Variants in SPOCK1 observed in about 807,000 individuals in gnomAD.
SPOCK1 encodes testican-1.
In SPOCK1, 23 loss-of-function variants were observed where a neutral mutation model predicts 55.3. The observed-to-expected ratio is 0.42, with a 90% confidence interval of 0.30 to 0.59. The LOEUF (loss-of-function observed/expected upper bound fraction) is 0.59. Among genes scored for constraint, SPOCK1 ranks in the 20% least tolerant of loss-of-function variants. The pLI, the probability that SPOCK1 is intolerant of heterozygous loss-of-function variation, is 0.22. For missense variants in SPOCK1, 499 were observed against 552.5 expected (o/e 0.90, Z 0.97); for synonymous variants, 226 against 221.0 (o/e 1.02, Z -0.20).
At chr5:137,231,952 T>C (rs1314981007) in intron 3 of SPOCK1, among the ~76,000 whole-genome samples, 1 of 152,234 alleles carries the variant, frequency 6.6e-6, no homozygotes, top group Non-Finnish European at 1.5e-5. Context: ...TGCATTTCCC[T>C]GATGATGGTG....
chr5:137,020,320 CTA>C (rs1243342750), intron 6 of SPOCK1, among the ~76,000 whole-genome samples: 2 of 151,520 alleles, frequency 1.3e-5, no homozygotes, highest in East Asian at 3.9e-4. Context: ...GTGGCAGTAG[CTA>C]TATTATCAGA....
chr5:137,151,549 T>C (rs7717834), intron 3 of SPOCK1, among the ~76,000 whole-genome samples: 4,639 of 152,266 alleles, frequency 0.03, 237 homozygotes, highest in African/African-American at 0.11. Flanking sequence ...TTACATAAGA[T>C]GGAAAATCAA....
chr5:137,423,726 C>G (rs1035701621), intron 2 of SPOCK1, among the ~76,000 whole-genome samples: 2 of 152,244 alleles, frequency 1.3e-5, no homozygotes, highest in Non-Finnish European at 2.9e-5. Context: ...ACTCCTTGTA[C>G]TTCCCGGGTA....
chr5:137,098,427 C>A (rs1300986345), intron 5 of SPOCK1, among the ~76,000 whole-genome samples: 2 of 152,154 alleles, frequency 1.3e-5, no homozygotes, highest in South Asian at 4.1e-4. Flanking sequence ...GACCAGTGGC[C>A]CAGCAGGGGC....
intron 5 of SPOCK1, among the ~76,000 whole-genome samples, chr5:137,070,531 T>G (rs1188042465): frequency 2.0e-5 from 3 of 152,176 alleles, no homozygotes; most frequent in Non-Finnish European, 4.4e-5. Flanking sequence ...ACAATTCACT[T>G]TGCTGCTCTG....
intron 3 of SPOCK1, among the ~76,000 whole-genome samples, chr5:137,158,411 AG>A (rs1466136478): frequency 6.6e-6 from 1 of 152,310 alleles, no homozygotes; most frequent in African/African-American, 2.4e-5. Flanking sequence ...TAACGTCCAA[AG>A]AACTCCTTGG....
chr5:137,248,680 A>G (rs1200785738), intron 3 of SPOCK1, among the ~76,000 whole-genome samples: 2 of 152,228 alleles, frequency 1.3e-5, no homozygotes, highest in African/African-American at 4.8e-5. Context: ...GATAGAGATG[A>G]GTGAGAATAG....
intron 3 of SPOCK1, among the ~76,000 whole-genome samples, chr5:137,229,062 G>T (rs1054598562): frequency 1.3e-5 from 2 of 152,086 alleles, no homozygotes; most frequent in Non-Finnish European, 2.9e-5. Flanking sequence ...GGGAATTTGT[G>T]GTCAGACTGC....
At chr5:137,444,819 T>A (rs1037061264) in intron 2 of SPOCK1, among the ~76,000 whole-genome samples, 3 of 152,246 alleles carry the variant, frequency 2.0e-5, no homozygotes, top group Non-Finnish European at 4.4e-5. Context: ...CACCCTCTGC[T>A]GACCATTCTC....
chr5:137,185,357 A>G (rs1755048219), intron 3 of SPOCK1, among the ~76,000 whole-genome samples: 1 of 152,194 alleles, frequency 6.6e-6, no homozygotes, highest in Non-Finnish European at 1.5e-5. Flanking sequence ...GAAGATAGCC[A>G]CCAGCTGCCC....
intron 3 of SPOCK1, 53 bp from the exon 4 acceptor site, chr5:137,140,747 A>ATTTTTTTTTTTTTTTTTTTTTTTTTTTTT (rs11309240): frequency 3.0e-6 from 1 of 328,300 alleles, no homozygotes; most frequent in Non-Finnish European, 4.7e-6. Context: ...GGGAAATTTA[A>ATTTTTTTTTTTTTTTTTTTTTTTTTTTTT]TTTTTTTTTT....
In SPOCK1 at chr5:136,976,460, G is replaced by A. The variant is rs1561567518; in HGVS notation, c.*2194C>T. The stretch of plus-strand genomic sequence containing the variant: ...CAAATTAAAATCAGTGGTTCACCCT[G>A]TTCCTAGAAGTTTTTCTAAGTGAAA... On this transcript the variant is annotated 3_prime_UTR_variant, in exon 11 of 11. Transcript: ENST00000394945. 1 of 152,592 alleles carries A rather than the reference G, an allele frequency of 6.6e-6. No individual in the cohort carries two copies. The highest frequency in any genetic ancestry group is 1.5e-5 in the Non-Finnish European group (1 of 68,022). The allele number at this position is 152,592 out of a possible 1,614,324, so 9.5% of individuals were successfully genotyped here.
At chr5:137,027,602 A>T (rs1285365445) in intron 6 of SPOCK1, among the ~76,000 whole-genome samples, 1 of 152,180 alleles carries the variant, frequency 6.6e-6, no homozygotes, top group Non-Finnish European at 1.5e-5. Flanking sequence ...TAATAGCCAT[A>T]AACACTCAAT....
intron 2 of SPOCK1, among the ~76,000 whole-genome samples, chr5:137,338,218 A>T (rs1234041141): frequency 5.4e-5 from 7 of 130,772 alleles, no homozygotes; most frequent in South Asian, 2.3e-4. Flanking sequence ...CCTTCCTGTG[A>T]CCATGTGTTC....
intron 2 of SPOCK1, among the ~76,000 whole-genome samples, chr5:137,436,430 A>G (rs1752867101): frequency 6.6e-6 from 1 of 152,126 alleles, no homozygotes; most frequent in Non-Finnish European, 1.5e-5. Context: ...CTTTCACATT[A>G]GGCTCTGTTT....
At chr5:137,225,937 C>A (rs1331032802) in intron 3 of SPOCK1, among the ~76,000 whole-genome samples, 1 of 152,190 alleles carries the variant, frequency 6.6e-6, no homozygotes. Flanking sequence ...CCAGAGAGCA[C>A]CAGAAATGGT....
At chr5:137,331,030 A>T (rs1252065631) in intron 2 of SPOCK1, among the ~76,000 whole-genome samples, 9 of 152,188 alleles carry the variant, frequency 5.9e-5, no homozygotes, top group Non-Finnish European at 4.4e-5. Flanking sequence ...ATGGTGGTGG[A>T]GCTAGGATTC....
intron 6 of SPOCK1, among the ~76,000 whole-genome samples, chr5:136,996,165 G>C (rs1404551779): frequency 4.6e-5 from 7 of 152,230 alleles, no homozygotes; most frequent in African/African-American, 1.7e-4. Flanking sequence ...GGGGACTGAA[G>C]CTTTCAGAAG....
At chr5:137,314,444 C>T (rs2127143835) in intron 2 of SPOCK1, among the ~76,000 whole-genome samples, 1 of 152,300 alleles carries the variant, frequency 6.6e-6, no homozygotes. Context: ...TGGCACATAA[C>T]AAACCTGTAC....
Sources: gnomAD v4.1 joint callset for allele counts (sites outside exome capture counted in the v4.1 genomes callset) on GRCh38, gnomAD v4.1.1 for gene constraint, MANE v1.5 for transcripts, NCBI Gene and HGNC (gene_info 2026-07-23, HGNC 2026-07-21) for gene names.